SDCCAG8: variants seen among roughly 807,000 people sequenced by gnomAD.
SDCCAG8 encodes the protein serologically defined colon cancer antigen 8.
A neutral mutation model predicts 101.8 loss-of-function variants in SDCCAG8; 74 were observed. The ratio of observed to expected loss-of-function variants is 0.73; its 90% CI spans 0.60 to 0.88. The LOEUF (loss-of-function observed/expected upper bound fraction) is 0.88, where lower values mean the gene tolerates loss of function less well. SDCCAG8 is among the 40% of genes least tolerant of loss of function. SDCCAG8 has a pLI of 0.00. For missense variants in SDCCAG8, 787 were observed against 822.6 expected, an observed-to-expected ratio of 0.96 and a Z score of 0.53; for synonymous variants, 281 against 292.9, an observed-to-expected ratio of 0.96 and a Z score of 0.41.
At chr1:243,359,707 G>A (rs2050489) in intron 12 of SDCCAG8, among the ~76,000 whole-genome samples, 3 of 152,060 alleles carry the variant, frequency 2.0e-5, no homozygotes, top group Non-Finnish European at 4.4e-5. Flanking sequence ...TCCGGTACTC[G>A]GCACAGAGGA....
intron 13 of SDCCAG8, among the ~76,000 whole-genome samples, chr1:243,414,058 G>C (rs1273173735): frequency 6.6e-6 from 1 of 152,192 alleles, no homozygotes; most frequent in Admixed American, 6.5e-5. Flanking sequence ...AGGGTATAGA[G>C]AGATAAAGAT....
At chr1:243,304,517 C>T (rs551513363) in intron 6 of SDCCAG8, among the ~76,000 whole-genome samples, 196 bp from the exon 7 acceptor site, 1 of 152,204 alleles carries the variant, frequency 6.6e-6, no homozygotes, top group African/African-American at 2.4e-5. Context: ...AATTTTATGA[C>T]TCAGCGGTTC....
chr1:243,476,585 GA>G lies in SDCCAG8; in HGVS notation c.1986-12425del, dbSNP rs1662453375. ...GTCCCCATTCAAACAGAAACTTCCT[GA>G]AAACACAGCAGTGTGCCCCCCAAAC... On this transcript the variant is annotated intron_variant, in intron 16 of 17. Coordinates refer to ENST00000366541, the MANE Select transcript of SDCCAG8 (RefSeq NM_006642.5). 4.6e-5 allele frequency among the ~76,000 whole-genome samples: 7 copies of G among 152,318 alleles called. No individual in the cohort carries two copies. In the South Asian group the frequency reaches 1.4e-3, roughly 32 times the overall value.
intron 16 of SDCCAG8, among the ~76,000 whole-genome samples, chr1:243,462,408 G>T (rs1399334202): frequency 1.3e-5 from 2 of 152,186 alleles, no homozygotes; most frequent in African/African-American, 4.8e-5. Context: ...TAGGTAAGGG[G>T]CTGTGTGGCT....
chr1:243,379,132 AT>A (rs1445478992), intron 13 of SDCCAG8, among the ~76,000 whole-genome samples: 8 of 152,190 alleles, frequency 5.3e-5, no homozygotes, highest in Admixed American at 5.2e-4. Context: ...GAAATGACAT[AT>A]TTCTCCTACC....
chr1:243,482,953 T>C (rs1477088443), intron 16 of SDCCAG8, among the ~76,000 whole-genome samples: 2 of 152,178 alleles, frequency 1.3e-5, no homozygotes, highest in East Asian at 3.9e-4. Flanking sequence ...GGGGGGCTTC[T>C]TGCAGCGGGG....
intron 17 of SDCCAG8, among the ~76,000 whole-genome samples, chr1:243,496,085 C>T (rs531559134): frequency 6.6e-6 from 1 of 152,332 alleles, no homozygotes; most frequent in South Asian, 2.1e-4. Flanking sequence ...ATGAAACCAA[C>T]AGGATTAGTG....
At chr1:243,403,090 C>T (rs1272158521) in intron 13 of SDCCAG8, among the ~76,000 whole-genome samples, 1 of 152,200 alleles carries the variant, frequency 6.6e-6, no homozygotes, top group South Asian at 2.1e-4. Flanking sequence ...AATTAGGAAC[C>T]TTTCAAATGG....
chr1:243,496,592 C>A (rs1307657915), intron 17 of SDCCAG8, among the ~76,000 whole-genome samples: 1 of 152,226 alleles, frequency 6.6e-6, no homozygotes, highest in Non-Finnish European at 1.5e-5. Flanking sequence ...GCTAGAGCCA[C>A]CCACGGAGAC....
At chr1:243,442,982 A>G (rs2082644843) in intron 16 of SDCCAG8, among the ~76,000 whole-genome samples, 1 of 152,272 alleles carries the variant, frequency 6.6e-6, no homozygotes, top group African/African-American at 2.4e-5. Context: ...AATTTTATGT[A>G]CAATTTAAAT....
chr1:243,318,729 T>C (rs976611342), intron 9 of SDCCAG8, among the ~76,000 whole-genome samples: 1 of 152,134 alleles, frequency 6.6e-6, no homozygotes, highest in African/African-American at 2.4e-5. Context: ...CTCAATGCCA[T>C]GTTTCAAAAC....
intron 8 of SDCCAG8, among the ~76,000 whole-genome samples, chr1:243,311,277 A>T (rs2072695922): frequency 6.6e-6 from 1 of 152,162 alleles, no homozygotes; most frequent in African/African-American, 2.4e-5. Flanking sequence ...CATCTCCAAA[A>T]TATATTGTTG....
At chr1:243,295,113 C>A (rs2451666) in intron 6 of SDCCAG8, among the ~76,000 whole-genome samples, 144,704 of 152,210 alleles carry the variant, frequency 0.95, 69,209 homozygotes, top group East Asian at 1. Flanking sequence ...TTTTTTCCCT[C>A]TCTGAATAAT....
chr1:243,476,282 A>G (rs919121036), intron 16 of SDCCAG8: 1 of 985,494 alleles, frequency 1.0e-6, no homozygotes, highest in Non-Finnish European at 1.2e-6. Flanking sequence ...AAAAGCTTTC[A>G]GCATTGACGG....
intron 16 of SDCCAG8, among the ~76,000 whole-genome samples, chr1:243,453,238 G>A (rs2083493856): frequency 6.6e-6 from 1 of 152,070 alleles, no homozygotes; most frequent in Admixed American, 6.5e-5. Flanking sequence ...CACTCAGGTG[G>A]GCATCTGTCT....
Position 243,338,191 on chromosome 1 carries a change from A to G in SDCCAG8, c.1222-2848A>G, listed in dbSNP as rs546090776. On this transcript the variant is annotated intron_variant, in intron 10 of 17. Transcript: ENST00000366541. ...CAGCCTCCAAAAGCAGTAGGATTCC[A>G]AGCATGAGCCACAGTGCCCGGCCTT... 9.2e-5 allele frequency among the ~76,000 whole-genome samples: 14 copies of G among 152,266 alleles called. No individual in the cohort carries two copies. In the East Asian group the frequency reaches 2.7e-3, roughly 29 times the overall value.
chr1:243,404,770 A>G (rs1232347535), intron 13 of SDCCAG8, among the ~76,000 whole-genome samples: 2 of 152,010 alleles, frequency 1.3e-5, no homozygotes, highest in Non-Finnish European at 2.9e-5. Context: ...TGCACATTGG[A>G]TGTTTGACCA....
intron 16 of SDCCAG8, among the ~76,000 whole-genome samples, chr1:243,457,721 A>T (rs1245540872): frequency 6.6e-6 from 1 of 152,228 alleles, no homozygotes; most frequent in African/African-American, 2.4e-5. Flanking sequence ...CTCAAAATTC[A>T]TTCTTAAAAG....
chr1:243,257,305 G>A (rs534327232), intron 1 of SDCCAG8, among the ~76,000 whole-genome samples: 2 of 151,910 alleles, frequency 1.3e-5, no homozygotes, highest in Non-Finnish European at 2.9e-5. Flanking sequence ...GACTGTTTGC[G>A]ACATTGAGAA....
Sources: gnomAD v4.1 joint callset for allele counts (sites outside exome capture counted in the v4.1 genomes callset) on GRCh38, gnomAD v4.1.1 for gene constraint, MANE v1.5 for transcripts, NCBI Gene and HGNC (gene_info 2026-07-23, HGNC 2026-07-21) for gene names.